ZNF429: variants seen among roughly 807,000 people sequenced by gnomAD.
ZNF429 encodes zinc finger protein 429.
Under a neutral mutation model 56.8 loss-of-function variants are expected in ZNF429, and 53 were observed. The ratio of observed to expected loss-of-function variants is 0.93; its 90% CI spans 0.75 to 1.17. ZNF429 has a LOEUF of 1.17. ZNF429 is among the 50% of genes most tolerant of loss of function. The pLI, the probability that ZNF429 is intolerant of heterozygous loss-of-function variation, is 0.00. For synonymous variants in ZNF429, 278 were observed against 264.7 expected, an observed-to-expected ratio of 1.05 and a Z score of -0.49; for missense variants, 849 against 788.4, an observed-to-expected ratio of 1.08 and a Z score of -0.92.
intron 3 of ZNF429, among the ~76,000 whole-genome samples, chr19:21,531,120 A>AC: frequency 0.037 from 3,340 of 90,354 alleles, 201 homozygotes; most frequent in African/African-American, 0.14. Context: ...AAAAAAAAAA[A>AC]AAAAAAAAAC....
chr19:21,523,329 G>A (rs189426089), intron 1 of ZNF429, among the ~76,000 whole-genome samples: 15 of 152,280 alleles, frequency 9.9e-5, no homozygotes, highest in East Asian at 5.8e-4. Flanking sequence ...AGGTCGGGGC[G>A]AAAGTTATTG....
Position 21,510,604 on chromosome 19 carries a change from A to T in ZNF429, c.3+4830A>T, listed in dbSNP as rs901699515. Among the ~76,000 whole-genome samples, 6 of 151,308 alleles carry T rather than the reference A, an allele frequency of 4.0e-5. No homozygotes were observed. The East Asian group carries it at 1.2e-3, about 29-fold the overall frequency. On this transcript the variant is annotated intron_variant, in intron 1 of 3. Coordinates refer to ENST00000358491, the MANE Select transcript of ZNF429 (RefSeq NM_001001415.4). ...TTAATTTTTTAATTTTTTTTTATTG[A>T]TCATTCTTGGGTGTTTCTCACAGAG... is the stretch of plus-strand genomic sequence containing the variant.
intron 3 of ZNF429, 56 bp from the exon 4 acceptor site, chr19:21,536,224 G>T: frequency 6.7e-7 from 1 of 1,483,270 alleles, no homozygotes; most frequent in Non-Finnish European, 9.0e-7. Context: ...TGTTTGTGAC[G>T]TATATATATC....
At chr19:21,529,417 T>C (rs966829764) in intron 1 of ZNF429, 2 of 776,734 alleles carry the variant, frequency 2.6e-6, no homozygotes, top group Non-Finnish European at 3.2e-6. Flanking sequence ...AAAAATGTCA[T>C]GTGTACACTG....
chr19:21,533,705 G>A, intron 3 of ZNF429, among the ~76,000 whole-genome samples: 1 of 151,276 alleles, frequency 6.6e-6, no homozygotes, highest in Non-Finnish European at 1.5e-5. Context: ...GCCCAGGCTG[G>A]AGTGTACCGG....
chr19:21,526,096 G>C (rs1000368055), intron 1 of ZNF429, among the ~76,000 whole-genome samples: 1 of 151,968 alleles, frequency 6.6e-6, no homozygotes, highest in East Asian at 1.9e-4. Context: ...CCTTCTGTTT[G>C]TTCTGTAAAC....
chr19:21,537,174 G>C lies in ZNF429; in HGVS notation c.1121G>C (p.Cys374Ser). The C allele has an allele frequency of 5.0e-6, 8 of 1,613,960 alleles. No homozygotes were observed. The highest frequency in any genetic ancestry group is 6.8e-6 in the Non-Finnish European group (8 of 1,180,008). Residue 374 changes from cysteine to serine, a missense_variant, in exon 4 of 4, where the codon TGT becomes TCT. Transcript: ENST00000358491. The stretch of plus-strand genomic sequence containing the variant: ...GAGAAGCCCTACAAATGTGAAGAAT[G>C]TGGCAAAGCTTTTAACCAGTCTTCA... The part of the protein sequence containing the change: ...TGEKPYKCEE[C>S]GKAFNQSSRL...
At chr19:21,513,465 G>A (rs192733957) in intron 1 of ZNF429, among the ~76,000 whole-genome samples, 2 of 152,238 alleles carry the variant, frequency 1.3e-5, no homozygotes, top group African/African-American at 4.8e-5. Context: ...CAGAAGCATA[G>A]ATGGGCCCAT....
chr19:21,524,312 G>A (rs567043683), intron 1 of ZNF429, among the ~76,000 whole-genome samples: 27 of 152,280 alleles, frequency 1.8e-4, no homozygotes, highest in African/African-American at 3.8e-4. Context: ...GACGGATCAC[G>A]ACGTCAGGAG....
chr19:21,513,017 C>T (rs1238862655), intron 1 of ZNF429, among the ~76,000 whole-genome samples: 1 of 151,904 alleles, frequency 6.6e-6, no homozygotes. Context: ...ACTACAGGCG[C>T]CTGCCACCAT....
intron 1 of ZNF429, among the ~76,000 whole-genome samples, chr19:21,511,183 G>T (rs543124722): frequency 6.7e-6 from 1 of 148,650 alleles, no homozygotes; most frequent in Admixed American, 6.7e-5. Context: ...CCCACCTCCC[G>T]GATGGGGCGG....
chr19:21,505,851 T>A, intron 1 of ZNF429, 77 bp downstream of exon 1: 1 of 1,530,040 alleles, frequency 6.5e-7, no homozygotes, highest in Non-Finnish European at 9.0e-7. Context: ...GTGGCGGACT[T>A]AGGTCTCCCG....
In ZNF429 at chr19:21,536,699, C is replaced by A; in HGVS notation, c.646C>A (p.Leu216Ile). The A allele has an allele frequency of 6.2e-7, 1 of 1,614,034 alleles. No homozygotes were observed. The highest frequency in any genetic ancestry group is 8.5e-7 in the Non-Finnish European group (1 of 1,180,010). Reference sequence around the variant, plus strand: ...CAATGCCTTTAATCAGTCCTCAGCCCTTACTAACCATAAGAGAATTTATGT... The same window carrying A: ...CAATGCCTTTAATCAGTCCTCAGCCATTACTAACCATAAGAGAATTTATGT... ...FGNAFNQSSA[L>I]TNHKRIYVGE... Residue 216 changes from leucine (L) to isoleucine (I), a missense_variant, in exon 4 of 4, where the codon CTT (leucine) becomes ATT (isoleucine). Transcript: ENST00000358491.
intron 1 of ZNF429, among the ~76,000 whole-genome samples, chr19:21,511,513 T>C (rs1201490460): frequency 2.7e-5 from 4 of 150,614 alleles, no homozygotes; most frequent in African/African-American, 4.9e-5. Flanking sequence ...ACTTCCTAGA[T>C]GGGATGGCAG....
At chr19:21,528,747 T>TGGG (rs1032742598) in intron 1 of ZNF429, among the ~76,000 whole-genome samples, 4 of 152,106 alleles carry the variant, frequency 2.6e-5, no homozygotes, top group African/African-American at 9.7e-5. Flanking sequence ...GAGTCATCAG[T>TGGG]ACCTTAAACT....
At chr19:21,525,179 A>C (rs1043707573) in intron 1 of ZNF429, among the ~76,000 whole-genome samples, 2 of 152,212 alleles carry the variant, frequency 1.3e-5, no homozygotes, top group African/African-American at 2.4e-5. Context: ...AGGGATATTT[A>C]TGGACAGAAG....
chr19:21,505,680 T>G lies in ZNF429; in HGVS notation c.-92T>G. On this transcript the variant is annotated 5_prime_UTR_variant, in exon 1 of 4. Transcript: ENST00000358491. ...GGTCTCGTCTTCATTTCTGTGTCCT[T>G]TGTTCTTAGAGGCCCAGCCTGTGTG... 10 of 1,418,296 alleles carry G rather than the reference T, an allele frequency of 7.1e-6. No individual in the cohort carries two copies. Among genetic ancestry groups the G allele is most frequent in the Admixed American group, 1.8e-5 (1 of 54,104 alleles). 87.9% of individuals were successfully genotyped at this position (1,418,296 alleles called of 1,614,324 possible). A position where few individuals can be genotyped will look rare whatever the true frequency, so the allele number is the denominator to read the frequency against.
chr19:21,528,391 T>G (rs375250588), intron 1 of ZNF429, among the ~76,000 whole-genome samples: 3 of 152,226 alleles, frequency 2.0e-5, no homozygotes, highest in East Asian at 3.9e-4. Flanking sequence ...AAAAGACTAC[T>G]TTAAATCATT....
rs563480450 is a variant in ZNF429, at chr19:21,505,700, T to A, written c.-72T>A. 1.1e-5 allele frequency: 17 copies of A among 1,548,626 alleles called. No homozygotes were observed. The East Asian group carries it at 3.9e-4, about 36-fold the overall frequency. ...GTCCTTTGTTCTTAGAGGCCCAGCC[T>A]GTGTGGCCCTGTGACCCGCAGATAT... On this transcript the variant is annotated 5_prime_UTR_variant, in exon 1 of 4. Transcript: ENST00000358491.
Sources: allele counts gnomAD v4.1 joint callset (sites outside exome capture counted in the v4.1 genomes callset), GRCh38; gene constraint gnomAD v4.1.1; transcripts MANE v1.5; gene names NCBI Gene and HGNC (gene_info 2026-07-23, HGNC 2026-07-21).